The following SCGB2B2 variants were observed in gnomAD, a reference collection of about 807,000 sequenced individuals.
SCGB2B2 encodes the protein secretoglobin-like protein.
Under a neutral mutation model 7.6 loss-of-function variants are expected in SCGB2B2, and 11 were observed. The ratio of observed to expected loss-of-function variants is 1.45; its 90% CI spans 0.91 to 2.40. The LOEUF (loss-of-function observed/expected upper bound fraction) is 2.40. Among genes scored for constraint, SCGB2B2 ranks in the 30% most tolerant of loss-of-function variants. The pLI is 0.00. For synonymous variants in SCGB2B2, 50 were observed against 48.6 expected (o/e 1.03, Z -0.12); for missense variants, 104 against 115.4 (o/e 0.90, Z 0.45).
intron 1 of SCGB2B2, among the ~76,000 whole-genome samples, chr19:34,670,193 T>C (rs2067766205): frequency 6.6e-6 from 1 of 152,138 alleles, no homozygotes; most frequent in African/African-American, 2.4e-5. Flanking sequence ...AAGAAAAGAC[T>C]AATCCTGGGA....
intron 1 of SCGB2B2, among the ~76,000 whole-genome samples, chr19:34,622,918 GTTT>G (rs35078505): frequency 3.5e-5 from 5 of 144,366 alleles, no homozygotes; most frequent in African/African-American, 1.0e-4. Context: ...TTTCATCTAG[GTTT>G]TTTTTTTTTT....
At chr19:34,624,953 T>C (rs944142813) in intron 1 of SCGB2B2, among the ~76,000 whole-genome samples, 2 of 152,234 alleles carry the variant, frequency 1.3e-5, no homozygotes, top group African/African-American at 4.8e-5. Flanking sequence ...TAAGGAGCCT[T>C]GGAAATGAAA....
intron 1 of SCGB2B2, among the ~76,000 whole-genome samples, chr19:34,651,629 G>A (rs1418299656): frequency 6.6e-6 from 1 of 151,194 alleles, no homozygotes; most frequent in Non-Finnish European, 1.5e-5. Context: ...ATCAATTGAA[G>A]AAGACACCAA....
intron 1 of SCGB2B2, among the ~76,000 whole-genome samples, chr19:34,674,606 A>G (rs2067877452): frequency 6.6e-6 from 1 of 152,248 alleles, no homozygotes; most frequent in Admixed American, 6.5e-5. Flanking sequence ...AGATTGAAGG[A>G]TGAAAATCAC....
intron 1 of SCGB2B2, among the ~76,000 whole-genome samples, chr19:34,674,921 A>G (rs1380007616): frequency 6.6e-6 from 1 of 152,046 alleles, no homozygotes; most frequent in Non-Finnish European, 1.5e-5. Flanking sequence ...GCACTATCTC[A>G]CTATCTCCTT....
At chr19:34,623,844 C>T (rs2066300241) in intron 1 of SCGB2B2, among the ~76,000 whole-genome samples, 1 of 152,054 alleles carries the variant, frequency 6.6e-6, no homozygotes, top group Admixed American at 6.5e-5. Context: ...AGGACAGGTG[C>T]CTCAAAAAAT....
rs2065378429 is a variant in SCGB2B2, at chr19:34,594,232, G to A, written c.189C>T (p.Val63=). The A allele has an allele frequency of 1.3e-5, 21 of 1,614,152 alleles. No homozygotes were observed. Among genetic ancestry groups the A allele is most frequent in the Non-Finnish European group, 1.7e-5 (20 of 1,180,006 alleles). ...CGGAGACATTGGCAAAGCATTGCTG[G>A]ACATTGAGGAAGGACTCCTCTGTCA... ...SPLTEESFLN[V]QQCFANVSVT... Residue 63 remains valine (V), a synonymous_variant, in exon 3 of 4, where the codon GTC becomes GTT. Coordinates refer to ENST00000601241, the MANE Select transcript of SCGB2B2 (RefSeq NM_001025591.4).
chr19:34,655,615 C>T (rs1429672624), intron 1 of SCGB2B2, among the ~76,000 whole-genome samples: 1 of 151,238 alleles, frequency 6.6e-6, no homozygotes, highest in African/African-American at 2.5e-5. Context: ...CACATGTCAT[C>T]AGGACCTCCT....
At chr19:34,644,887 G>T (rs1326882091) in intron 1 of SCGB2B2, among the ~76,000 whole-genome samples, 2 of 152,142 alleles carry the variant, frequency 1.3e-5, no homozygotes, top group Non-Finnish European at 2.9e-5. Flanking sequence ...TTAACTGAGT[G>T]CCCACTTTGC....
At chr19:34,630,885 C>T (rs956329509) in intron 1 of SCGB2B2, among the ~76,000 whole-genome samples, 3 of 151,692 alleles carry the variant, frequency 2.0e-5, no homozygotes, top group Non-Finnish European at 2.9e-5. Flanking sequence ...TAATGATAGA[C>T]TGGATTAAGA....
chr19:34,643,299 A>C (rs1427008953), intron 1 of SCGB2B2, among the ~76,000 whole-genome samples: 1 of 152,216 alleles, frequency 6.6e-6, no homozygotes, highest in Non-Finnish European at 1.5e-5. Flanking sequence ...AAATTATGTT[A>C]TTTGAAATAA....
At chr19:34,615,699 G>A (rs573706896) in intron 1 of SCGB2B2, among the ~76,000 whole-genome samples, 9 of 152,250 alleles carry the variant, frequency 5.9e-5, no homozygotes, top group Admixed American at 1.3e-4. Flanking sequence ...TTCATAAAAT[G>A]TGTTTGAAAG....
At chr19:34,630,416 A>AT (rs2066496243) in intron 1 of SCGB2B2, among the ~76,000 whole-genome samples, 1 of 151,862 alleles carries the variant, frequency 6.6e-6, no homozygotes, top group Non-Finnish European at 1.5e-5. Flanking sequence ...CAAATTTACA[A>AT]CAAAAAAACA....
chr19:34,637,818 T>C (rs772016767), intron 1 of SCGB2B2: 60 of 152,202 alleles, frequency 3.9e-4, no homozygotes, highest in Non-Finnish European at 8.2e-4. Flanking sequence ...CACCACCCGA[T>C]GGGCTATTTA....
At chr19:34,668,396 G>A (rs999788900) in intron 1 of SCGB2B2, among the ~76,000 whole-genome samples, 13 of 152,224 alleles carry the variant, frequency 8.5e-5, no homozygotes, top group Admixed American at 1.3e-4. Flanking sequence ...GCGGGGCAGG[G>A]CTCGGTACCT....
chr19:34,656,496 G>A (rs1307120118), intron 1 of SCGB2B2, among the ~76,000 whole-genome samples: 1 of 151,138 alleles, frequency 6.6e-6, no homozygotes, highest in Non-Finnish European at 1.5e-5. Flanking sequence ...CCAGCTACTC[G>A]GGAGGCTGAG....
chr19:34,658,804 CAACAACAACAAAAAA>C (rs1326181629), intron 1 of SCGB2B2, among the ~76,000 whole-genome samples: 3 of 39,292 alleles, frequency 7.6e-5, no homozygotes, highest in Admixed American at 4.3e-4. Context: ...ACAACAACAA[CAACAACAACAAAAAA>C]AAAAAAAAAA....
Position 34,621,918 on chromosome 19 carries a change from T to G in SCGB2B2, c.-2031-25324A>C, listed in dbSNP as rs2066251916. ...TTCAGTTTCCTCTGGGAGGAAAGTG[T>G]CTGGGTTCAGGCAAGGACAGGTTTT... On this transcript the variant is annotated intron_variant, in intron 1 of 3. Coordinates refer to ENST00000601241, the MANE Select transcript of SCGB2B2 (RefSeq NM_001025591.4). 2.6e-5 allele frequency among the ~76,000 whole-genome samples: 4 copies of G among 152,204 alleles called. No homozygotes were observed. In the South Asian group the frequency reaches 8.3e-4, roughly 31 times the overall value.
At chr19:34,629,641 A>G (rs1281061546) in intron 1 of SCGB2B2, among the ~76,000 whole-genome samples, 1 of 152,050 alleles carries the variant, frequency 6.6e-6, no homozygotes, top group Non-Finnish European at 1.5e-5. Flanking sequence ...ATGGAAGAAC[A>G]TTCCATGCTC....
Sources: allele counts gnomAD v4.1 joint callset (sites outside exome capture counted in the v4.1 genomes callset), GRCh38; gene constraint gnomAD v4.1.1; transcripts MANE v1.5; gene names NCBI Gene and HGNC (gene_info 2026-07-23, HGNC 2026-07-21).